AKR1C2: variants seen among roughly 807,000 people sequenced by gnomAD.
AKR1C2 encodes 3-alpha-HSD3.
A neutral mutation model predicts 39.8 loss-of-function variants in AKR1C2; 27 were observed. The observed-to-expected ratio is 0.68, with a 90% CI of 0.50 to 0.93. The LOEUF (loss-of-function observed/expected upper bound fraction) is 0.93, where lower values mean the gene tolerates loss of function less well. Ranked by LOEUF, AKR1C2 falls within the 40% of genes least tolerant of loss-of-function variation. AKR1C2 has a pLI of 0.00. For synonymous variants in AKR1C2, 114 were observed against 137.9 expected (o/e 0.83, Z 1.22); for missense variants, 263 against 365.1 (o/e 0.72, Z 2.28).
chr10:5,006,700 A>C (rs1437709802), upstream of AKR1C2: 6 of 152,150 alleles, frequency 3.9e-5, no homozygotes, highest in Non-Finnish European at 7.4e-5. Flanking sequence ...GAGTCTTTGG[A>C]GGATATAGTA....
rs1554771823 is a variant in AKR1C2 at position 4,989,276 on chromosome 10, T to TAAAAC, written c.*715_*719dup. 1 of 152,190 alleles carries TAAAAC rather than the reference T, an allele frequency of 6.6e-6. No individual in the cohort carries two copies. The highest frequency in any genetic ancestry group is 1.5e-5 in the Non-Finnish European group (1 of 68,050). The allele number at this position is 152,190 out of a possible 1,614,324, so 9.4% of individuals were successfully genotyped here. On this transcript the variant is annotated 3_prime_UTR_variant, in exon 9 of 9. Coordinates refer to ENST00000380753, the MANE Select transcript of AKR1C2 (RefSeq NM_001393392.1). ...CCTGACTCTCAGCTGTGGGGTTTGT[T>TAAAAC]AAAACAATGTGGAAAGTTTTCTTTT...
upstream of AKR1C2, chr10:5,004,654 T>C (rs1362897771): frequency 1.3e-5 from 2 of 152,072 alleles, no homozygotes. Flanking sequence ...ATAATATTGC[T>C]AAACATTATT....
chr10:5,014,123 C>T (rs1311329484), intron 1 of AKR1C2, among the ~76,000 whole-genome samples: 2 of 152,284 alleles, frequency 1.3e-5, no homozygotes, highest in Admixed American at 1.3e-4. Flanking sequence ...CTTGCATTTT[C>T]ACCTTTTGAT....
At position 5,017,616 on chromosome 10, in the gene AKR1C2, C is replaced by T. The variant is rs137902451; in HGVS notation, c.-88+284G>A. ...ATTTTCTTCATAACCATTCAAGTCT[C>T]TAGGAAGTCAAAACCCTCCTTCATC... is the stretch of plus-strand genomic sequence containing the variant. On this transcript the variant is annotated intron_variant, in intron 1 of 6. Coordinates refer to the AKR1C2 transcript ENST00000604507. Among the ~76,000 whole-genome samples the T allele has an allele frequency of 2.9e-3, 449 of 152,270 alleles. 1 individual carries two copies. Among genetic ancestry groups the T allele is most frequent in the African/African-American group, 0.01 (430 of 41,550 alleles).
chr10:5,001,862 T>C (rs1438823944), intron 1 of AKR1C2, among the ~76,000 whole-genome samples, 181 bp from the exon 2 acceptor site: 2 of 152,218 alleles, frequency 1.3e-5, no homozygotes, highest in Non-Finnish European at 2.9e-5. Context: ...AGGTTGGGCA[T>C]AGCAGGAACT....
chr10:4,992,936 C>T (rs1554772425), intron 7 of AKR1C2, among the ~76,000 whole-genome samples: 2 of 151,620 alleles, frequency 1.3e-5, no homozygotes, highest in Non-Finnish European at 1.5e-5. Flanking sequence ...GGTGACAGAA[C>T]GAGACTCTGT....
upstream of AKR1C2, among the ~76,000 whole-genome samples, chr10:5,006,983 A>G (rs868925560): frequency 2.0e-5 from 3 of 149,750 alleles, no homozygotes; most frequent in Non-Finnish European, 3.0e-5. Context: ...TATGGTAGCC[A>G]GGATGGTCTC....
At chr10:5,003,907 C>A (rs1197390970), upstream of AKR1C2, 1 of 1,401,790 alleles carries the variant, frequency 7.1e-7, no homozygotes, top group African/African-American at 1.4e-5. Flanking sequence ...GCTGGCAACG[C>A]CCCTGAGCAC....
chr10:5,008,181 G>A (rs1202541923), upstream of AKR1C2, among the ~76,000 whole-genome samples: 1 of 150,914 alleles, frequency 6.6e-6, no homozygotes, highest in Non-Finnish European at 1.5e-5. Context: ...TTGCTACACA[G>A]TGCACCCATG....
chr10:4,992,449 CTT>C (rs1554772360), intron 7 of AKR1C2, among the ~76,000 whole-genome samples: 1 of 152,128 alleles, frequency 6.6e-6, no homozygotes, highest in African/African-American at 2.4e-5. Context: ...AGATGTCACT[CTT>C]TCTAATACAT....
At chr10:4,993,342 G>A (rs1194448805) in intron 7 of AKR1C2, among the ~76,000 whole-genome samples, 1 of 152,114 alleles carries the variant, frequency 6.6e-6, no homozygotes, top group Non-Finnish European at 1.5e-5. Flanking sequence ...ATTGCTCATG[G>A]ACATTTCATA....
At chr10:5,012,424 G>T (rs564613370) in intron 1 of AKR1C2, among the ~76,000 whole-genome samples, 1 of 151,432 alleles carries the variant, frequency 6.6e-6, no homozygotes. Flanking sequence ...GAATCATCTG[G>T]ATGGGCAATG....
At chr10:5,003,456 A>G (rs1192924928) in intron 1 of AKR1C2, among the ~76,000 whole-genome samples, 2 of 151,414 alleles carry the variant, frequency 1.3e-5, no homozygotes, top group African/African-American at 4.8e-5. Flanking sequence ...CTATACAAAG[A>G]AACAGAGAAA....
chr10:4,996,780 T>A (rs1365637067), intron 5 of AKR1C2, among the ~76,000 whole-genome samples: 5 of 151,968 alleles, frequency 3.3e-5, no homozygotes, highest in Non-Finnish European at 7.4e-5. Flanking sequence ...AGTTTATTAT[T>A]TTTACTTGGT....
In AKR1C2 at chr10:4,988,617, G is replaced by A. The variant is rs1836738084; in HGVS notation, c.*1379C>T. On this transcript the variant is annotated 3_prime_UTR_variant, in exon 9 of 9. Transcript: ENST00000380753. ...TGTGAGCTGCAAAACTTGCTGGGAT[G>A]CCTATCAGCTCTGAGACATGGCTTG... The A allele has an allele frequency of 1.3e-5, 2 of 152,172 alleles. No homozygotes were observed. The highest frequency in any genetic ancestry group is 2.9e-5 in the Non-Finnish European group (2 of 68,040). The allele number at this position is 152,172 out of a possible 1,614,324, so 9.4% of individuals were successfully genotyped here. A position where few individuals can be genotyped will look rare whatever the true frequency, so the allele number is the denominator to read the frequency against.
At chr10:5,013,318 A>G (rs1206521411) in intron 1 of AKR1C2, 12 of 152,264 alleles carry the variant, frequency 7.9e-5, no homozygotes, top group Non-Finnish European at 1.5e-4. Context: ...CTGAACAATT[A>G]CATTATTTAA....
upstream of AKR1C2, chr10:5,007,436 G>A (rs1837428370): frequency 6.6e-6 from 1 of 152,064 alleles, no homozygotes; most frequent in Non-Finnish European, 1.5e-5. Context: ...GTATGGAACT[G>A]AAGTTAAATT....
intron 5 of AKR1C2, chr10:4,996,197 T>C (rs1837030915): frequency 3.9e-6 from 1 of 258,620 alleles, no homozygotes; most frequent in Admixed American, 5.3e-5. Context: ...ATCAAGAATT[T>C]GGTCAAAGAC....
At chr10:5,005,492 C>G (rs1188585592), upstream of AKR1C2, among the ~76,000 whole-genome samples, 2 of 149,900 alleles carry the variant, frequency 1.3e-5, no homozygotes, top group African/African-American at 4.9e-5. Context: ...ACCATCCTGG[C>G]CAACATGGTG....
Sources: allele counts gnomAD v4.1 joint callset (sites outside exome capture counted in the v4.1 genomes callset), GRCh38; gene constraint gnomAD v4.1.1; transcripts MANE v1.5; gene names NCBI Gene and HGNC (gene_info 2026-07-23, HGNC 2026-07-21).